NBAS: variants seen among roughly 807,000 people sequenced by gnomAD.
NBAS encodes NAG/BC035112 fusion.
Under a neutral mutation model 302.5 loss-of-function variants are expected in NBAS, and 219 were observed. The ratio of observed to expected loss-of-function variants is 0.72; its 90% confidence interval spans 0.65 to 0.81. The LOEUF (loss-of-function observed/expected upper bound fraction) is 0.81, where lower values mean the gene tolerates loss of function less well. Ranked by LOEUF, NBAS falls within the 30% of genes least tolerant of loss-of-function variation. The probability of loss-of-function intolerance (pLI) is 0.00; values close to 1 mark genes in which losing one functional copy is unlikely to be tolerated. For synonymous variants in NBAS, 1,118 were observed against 1,021.6 expected (o/e 1.09, Z -1.80); for missense variants, 2,932 against 2,841.6 (o/e 1.03, Z -0.72).
chr2:15,441,574 G>T (rs527370005), intron 21 of NBAS, among the ~76,000 whole-genome samples: 1 of 151,080 alleles, frequency 6.6e-6, no homozygotes, highest in Non-Finnish European at 1.5e-5. Flanking sequence ...AAAGACCATC[G>T]AGACTAGGAA....
At chr2:14,944,425 G>A in the NBAS span, among the ~76,000 whole-genome samples, 1 of 152,152 alleles carries the variant, frequency 6.6e-6, no homozygotes, top group South Asian at 2.1e-4. Context: ...CTACAAGGTC[G>A]GTACTCTTCT....
At chr2:14,972,675 C>G in the NBAS span, among the ~76,000 whole-genome samples, 3 of 152,154 alleles carry the variant, frequency 2.0e-5, no homozygotes, top group Non-Finnish European at 4.4e-5. Context: ...AGATGTAAGT[C>G]CAGATCTCTA....
At chr2:15,120,489 G>A in the NBAS span, among the ~76,000 whole-genome samples, 1 of 151,208 alleles carries the variant, frequency 6.6e-6, no homozygotes, top group East Asian at 1.9e-4. Context: ...TGAAGTAAAT[G>A]CTTGCTTTAT....
the NBAS span, among the ~76,000 whole-genome samples, chr2:15,116,558 A>T: frequency 6.6e-5 from 10 of 152,376 alleles, no homozygotes; most frequent in South Asian, 4.1e-4. Flanking sequence ...AAATATAGTC[A>T]TACTGGGAGG....
chr2:14,967,464 T>G, the NBAS span, among the ~76,000 whole-genome samples: 1 of 152,098 alleles, frequency 6.6e-6, no homozygotes. Context: ...GAAAACAGCA[T>G]AGAAAAGTTA....
chr2:15,121,940 T>C, the NBAS span, among the ~76,000 whole-genome samples: 11 of 152,292 alleles, frequency 7.2e-5, no homozygotes, highest in Non-Finnish European at 1.3e-4. Context: ...TTAAGAAACA[T>C]TACTCTGAGA....
intron 38 of NBAS, among the ~76,000 whole-genome samples, chr2:15,317,299 G>C (rs1221529668): frequency 6.6e-6 from 1 of 152,146 alleles, no homozygotes; most frequent in Non-Finnish European, 1.5e-5. Flanking sequence ...GGAGAAACCA[G>C]AGCAGAAAAG....
the NBAS span, among the ~76,000 whole-genome samples, chr2:14,966,928 T>G: frequency 1.4e-3 from 212 of 152,316 alleles, no homozygotes; most frequent in African/African-American, 4.7e-3. Context: ...CTACTAGAAC[T>G]AATAAGTGAG....
chr2:14,948,117 A>T, the NBAS span, among the ~76,000 whole-genome samples: 1 of 152,060 alleles, frequency 6.6e-6, no homozygotes. Flanking sequence ...ACATTTTTGC[A>T]TCTATGATCA....
chr2:15,149,197 T>C, the NBAS span, among the ~76,000 whole-genome samples: 1 of 152,014 alleles, frequency 6.6e-6, no homozygotes, highest in Non-Finnish European at 1.5e-5. Flanking sequence ...ACCACAGGAG[T>C]GGGCTTCTGA....
chr2:15,162,093 G>A (rs1231084407), downstream of NBAS, among the ~76,000 whole-genome samples: 3 of 152,168 alleles, frequency 2.0e-5, no homozygotes, highest in Non-Finnish European at 4.4e-5. Context: ...AACAGATACA[G>A]AGAAAGCCAA....
intron 50 of NBAS, among the ~76,000 whole-genome samples, chr2:15,184,235 C>T (rs1178569912): frequency 1.3e-5 from 2 of 151,926 alleles, no homozygotes; most frequent in Non-Finnish European, 1.5e-5. Flanking sequence ...TCGTTTTGGC[C>T]CCAGGGACTG....
At chr2:14,816,607 A>G in the NBAS span, among the ~76,000 whole-genome samples, 1 of 152,184 alleles carries the variant, frequency 6.6e-6, no homozygotes, top group Non-Finnish European at 1.5e-5. Flanking sequence ...GTATGTTTTA[A>G]TTCATCTACA....
At chr2:14,950,525 T>C in the NBAS span, among the ~76,000 whole-genome samples, 1 of 152,204 alleles carries the variant, frequency 6.6e-6, no homozygotes. Context: ...CCCAAAACTA[T>C]GTACACCTAT....
chr2:15,541,344 A>G (rs1487992588), intron 6 of NBAS, among the ~76,000 whole-genome samples: 3 of 152,138 alleles, frequency 2.0e-5, no homozygotes, highest in African/African-American at 7.2e-5. Context: ...AGAAAAAAAA[A>G]TCTCTATTAA....
chr2:15,163,986 G>A (rs959173951), downstream of NBAS, among the ~76,000 whole-genome samples: 21 of 152,078 alleles, frequency 1.4e-4, no homozygotes, highest in Admixed American at 1.2e-3. Context: ...TAGGAGAGAT[G>A]GGGTTTCGCC....
chr2:15,227,340 G>GA (rs1234310909), intron 47 of NBAS, among the ~76,000 whole-genome samples: 1 of 152,026 alleles, frequency 6.6e-6, no homozygotes, highest in Non-Finnish European at 1.5e-5. Context: ...AAACACTGAT[G>GA]AAAAAATGGA....
the NBAS span, among the ~76,000 whole-genome samples, chr2:14,885,997 G>A: frequency 6.6e-6 from 1 of 152,216 alleles, no homozygotes. Flanking sequence ...TGAGAAGTTT[G>A]CTATGTAGAA....
At chr2:15,434,541 C>T (rs1386976127) in intron 21 of NBAS, among the ~76,000 whole-genome samples, 1 of 152,130 alleles carries the variant, frequency 6.6e-6, no homozygotes, top group Non-Finnish European at 1.5e-5. Context: ...AAATAAAACA[C>T]TTAGGTAATA....
Sources: allele counts gnomAD v4.1 joint callset (sites outside exome capture counted in the v4.1 genomes callset), GRCh38; gene constraint gnomAD v4.1.1; transcripts MANE v1.5; gene names NCBI Gene and HGNC (gene_info 2026-07-23, HGNC 2026-07-21).